The following KIF13B variants were observed in gnomAD, a reference collection of about 807,000 sequenced individuals.
KIF13B encodes the protein kinesin family member 13B.
KIF13B carries 127 observed loss-of-function variants against 222.0 expected under a neutral mutation model. The observed-to-expected ratio is 0.57, with a 90% CI of 0.50 to 0.66. KIF13B has a LOEUF of 0.66. Ranked by LOEUF, KIF13B falls within the 30% of genes least tolerant of loss-of-function variation. The pLI, the probability that KIF13B is intolerant of heterozygous loss-of-function variation, is 0.00. For synonymous variants in KIF13B, 976 were observed against 919.0 expected (o/e 1.06, Z -1.12); for missense variants, 2,173 against 2,379.0 (o/e 0.91, Z 1.80).
At chr8:29,195,975 G>A (rs1350479575) in intron 3 of KIF13B, among the ~76,000 whole-genome samples, 2 of 152,254 alleles carry the variant, frequency 1.3e-5, no homozygotes, top group Non-Finnish European at 2.9e-5. Flanking sequence ...AGACCAGCCA[G>A]AAGTGGTCAA....
chr8:29,262,548 G>A (rs2117196320), intron 1 of KIF13B, among the ~76,000 whole-genome samples: 1 of 151,852 alleles, frequency 6.6e-6, no homozygotes, highest in South Asian at 2.1e-4. Context: ...GGTCCCGGGC[G>A]GTCCCGAGGC....
At chr8:29,088,834 T>C (rs1808161459) in intron 37 of KIF13B, among the ~76,000 whole-genome samples, 1 of 152,234 alleles carries the variant, frequency 6.6e-6, no homozygotes, top group Non-Finnish European at 1.5e-5. Context: ...TACCCTGAAG[T>C]GTGACCCAAG....
At chr8:29,127,072 C>T (rs1233484692) in intron 25 of KIF13B, 50 bp downstream of exon 25, 5 of 1,575,178 alleles carry the variant, frequency 3.2e-6, no homozygotes, top group Non-Finnish European at 4.3e-6. Context: ...AAAAGGCACT[C>T]TGGTCTGATT....
At chr8:29,155,666 TAG>T (rs1266405407) in intron 14 of KIF13B, 58 bp downstream of exon 14, 1 of 1,453,546 alleles carries the variant, frequency 6.9e-7, no homozygotes, top group African/African-American at 1.4e-5. Context: ...CTGTTGCCAC[TAG>T]AGTACTTTCT....
At chr8:29,212,167 A>G (rs932966436) in intron 2 of KIF13B, among the ~76,000 whole-genome samples, 9 of 152,176 alleles carry the variant, frequency 5.9e-5, no homozygotes, top group Admixed American at 5.9e-4. Flanking sequence ...TTGTGTACAC[A>G]TTTATTTTTA....
intron 37 of KIF13B, among the ~76,000 whole-genome samples, chr8:29,078,127 CAA>C (rs10530503): frequency 9.4e-5 from 7 of 74,278 alleles, no homozygotes; most frequent in Non-Finnish European, 1.7e-4. Flanking sequence ...TACTAAAATC[CAA>C]AAAAAAAAAA....
intron 9 of KIF13B, among the ~76,000 whole-genome samples, chr8:29,177,026 T>A (rs974816044): frequency 6.6e-6 from 1 of 152,200 alleles, no homozygotes; most frequent in Non-Finnish European, 1.5e-5. Context: ...CCAATTAGCT[T>A]TGATCCTCTC....
At chr8:29,101,306 A>G (rs1203054694) in intron 35 of KIF13B, among the ~76,000 whole-genome samples, 1 of 152,130 alleles carries the variant, frequency 6.6e-6, no homozygotes, top group Non-Finnish European at 1.5e-5. Flanking sequence ...GAGCTCACAC[A>G]TGGCTGTTCT....
intron 2 of KIF13B, among the ~76,000 whole-genome samples, chr8:29,214,489 G>C (rs1814385472): frequency 6.6e-6 from 1 of 152,146 alleles, no homozygotes. Flanking sequence ...CCCACTGGAA[G>C]GTCTTCAGGG....
rs568380159 is a variant in KIF13B, at chr8:29,108,849, T to C, written c.4161+585A>G. ...GTTAGGAGGAAAGTATCATTTTTCA[T>C]ATCCACATCTTCATCAAAAATGAGG... On this transcript the variant is annotated intron_variant, in intron 34 of 39. Coordinates refer to ENST00000524189, the MANE Select transcript of KIF13B (RefSeq NM_015254.4). Among the ~76,000 whole-genome samples, 169 of 152,310 alleles carry C rather than the reference T, an allele frequency of 1.1e-3. 2 individuals are homozygous for C. The highest frequency in any genetic ancestry group is 3.9e-3 in the African/African-American group (161 of 41,568).
At position 29,140,629 on chromosome 8, in the gene KIF13B, T is replaced by C. The variant is rs780013280; in HGVS notation, c.2335-12A>G. 6 of 1,604,046 alleles carry C rather than the reference T, an allele frequency of 3.7e-6. No homozygotes were observed. Among genetic ancestry groups the C allele is most frequent in the East Asian group, 2.2e-5 (1 of 44,692 alleles). On this transcript the variant is annotated splice_polypyrimidine_tract_variant and intron_variant, in intron 19 of 39. Coordinates refer to ENST00000524189, the MANE Select transcript of KIF13B (RefSeq NM_015254.4). The stretch of plus-strand genomic sequence containing the variant: ...TATGATCGTATTACCTGTAAAGAGA[T>C]TGAGAACACACAACTTCAGAAAAAC...
intron 37 of KIF13B, among the ~76,000 whole-genome samples, chr8:29,081,493 T>C (rs7462138): frequency 0.63 from 96,216 of 152,144 alleles, 31,107 homozygotes; most frequent in Non-Finnish European, 0.69. Context: ...GAATTCTAAA[T>C]GCAGATCAAG....
chr8:29,147,462 G>A lies in KIF13B; in HGVS notation c.1954C>T (p.Arg652Trp), dbSNP rs754394313. 42 of 1,612,616 alleles carry A rather than the reference G, an allele frequency of 2.6e-5. No homozygotes were observed. The Admixed American group carries it at 3.5e-4, about 13-fold the overall frequency. ...RRLSPEKQNC[R>W]SMDRFSFHSP... ...TGGAAAGAAAACCTGTCCATGCTCC[G>A]GCAGTTCTGCTTCTCAGGAGACAGC... The change falls in exon 17 of 40, where the codon CGG becomes TGG. Residue 652 changes from arginine (R) to tryptophan (W), a missense_variant. Physicochemically the swap from Arg to Trp is moderately radical, Grantham distance 101. This residue lies in a region of KIF13B where 1,480 missense variants were observed against 1,722.8 expected (regional missense o/e 0.86). Transcript: ENST00000524189.
intron 10 of KIF13B, among the ~76,000 whole-genome samples, chr8:29,175,529 C>CAATGAATG (rs1029582451): frequency 6.6e-5 from 10 of 152,194 alleles, no homozygotes; most frequent in African/African-American, 2.2e-4. Flanking sequence ...CTGAATCAAT[C>CAATGAATG]AATGAATGAA....
intron 37 of KIF13B, among the ~76,000 whole-genome samples, chr8:29,091,302 G>A (rs968414817): frequency 1.3e-5 from 2 of 152,186 alleles, no homozygotes; most frequent in African/African-American, 2.4e-5. Context: ...ACAGGTAGCA[G>A]GTGATGTGAC....
intron 2 of KIF13B, among the ~76,000 whole-genome samples, chr8:29,221,032 C>A (rs1197026655): frequency 6.6e-6 from 1 of 151,216 alleles, no homozygotes; most frequent in Non-Finnish European, 1.5e-5. Flanking sequence ...GTGTCACCTA[C>A]TCAAGAGGCT....
At chr8:29,103,241 CA>C (rs55959844) in intron 35 of KIF13B, among the ~76,000 whole-genome samples, 22,901 of 83,620 alleles carry the variant, frequency 0.27, 1,542 homozygotes, top group African/African-American at 0.34. Flanking sequence ...GACTCTGTCT[CA>C]AAAAAAAAAA....
chr8:29,114,755 C>T (rs1190196941), intron 31 of KIF13B, among the ~76,000 whole-genome samples: 1 of 152,054 alleles, frequency 6.6e-6, no homozygotes, highest in Non-Finnish European at 1.5e-5. Flanking sequence ...ACCTATTGTC[C>T]CTACAATAGA....
rs58488862 is a variant in KIF13B, at chr8:29,222,515, C to CTTTTT, written c.149+22826_149+22830dup. Among the ~76,000 whole-genome samples, 118 of 60,556 alleles carry CTTTTT rather than the reference C, an allele frequency of 1.9e-3. 27 individuals carry two copies. The East Asian group carries it at 0.021, about 11-fold the overall frequency. 39.7% of individuals were successfully genotyped at this position (60,556 alleles called of 152,430 possible). A position where few individuals can be genotyped will look rare whatever the true frequency, so the allele number is the denominator to read the frequency against. On this transcript the variant is annotated intron_variant, in intron 2 of 39. Coordinates refer to ENST00000524189, the MANE Select transcript of KIF13B (RefSeq NM_015254.4). ...TCCTGAGCTCAAGTCCCACACCTGA[C>CTTTTT]TTTTTTTTTTTTTTTTTTTTTTTTT...
Sources: allele counts gnomAD v4.1 joint callset (sites outside exome capture counted in the v4.1 genomes callset), GRCh38; gene constraint gnomAD v4.1.1; regional missense constraint gnomAD v4.1.1; transcripts MANE v1.5; gene names NCBI Gene and HGNC (gene_info 2026-07-23, HGNC 2026-07-21).